Variants in ABTB2 observed in about 807,000 individuals in gnomAD.
ABTB2 encodes the protein ankyrin repeat and BTB/POZ domain-containing protein 2.
ABTB2 carries 56 observed loss-of-function variants against 104.1 expected under a neutral mutation model. That is an observed-to-expected ratio of 0.54 (90% CI 0.43 to 0.67). The LOEUF (loss-of-function observed/expected upper bound fraction) is 0.67. ABTB2 is among the 30% of genes least tolerant of loss of function. The pLI is 0.00. For synonymous variants in ABTB2, 606 were observed against 608.2 expected (o/e 1.00, Z 0.05); for missense variants, 1,279 against 1,407.7 (o/e 0.91, Z 1.46).
At chr11:34,284,682 A>C (rs1854484298) in intron 1 of ABTB2, among the ~76,000 whole-genome samples, 1 of 152,250 alleles carries the variant, frequency 6.6e-6, no homozygotes, top group Non-Finnish European at 1.5e-5. Context: ...GAGGTGGAGA[A>C]AGCGGAGGGC....
intron 14 of ABTB2, among the ~76,000 whole-genome samples, chr11:34,155,350 C>CAGGCCCGG (rs957583587): frequency 3.5e-4 from 53 of 152,352 alleles, no homozygotes; most frequent in South Asian, 1.0e-3. Context: ...GCGCAGAGCC[C>CAGGCCCGG]AGGCCCGGAG....
chr11:34,324,444 C>T (rs2133112809), intron 1 of ABTB2, among the ~76,000 whole-genome samples: 1 of 152,272 alleles, frequency 6.6e-6, no homozygotes, highest in South Asian at 2.1e-4. Flanking sequence ...ATTGATCAGG[C>T]TTGGTCCATG....
intron 1 of ABTB2, among the ~76,000 whole-genome samples, chr11:34,297,110 G>A (rs929602766): frequency 7.2e-5 from 11 of 152,124 alleles, no homozygotes; most frequent in African/African-American, 2.4e-4. Context: ...ATTTCACAAG[G>A]AAATCTAGAT....
chr11:34,268,179 C>T (rs1358431917), intron 1 of ABTB2, among the ~76,000 whole-genome samples: 7 of 152,216 alleles, frequency 4.6e-5, no homozygotes, highest in African/African-American at 1.7e-4. Flanking sequence ...AGTGATCCAC[C>T]TGTCTTGGGT....
chr11:34,287,777 G>A (rs192871861), intron 1 of ABTB2, among the ~76,000 whole-genome samples: 169 of 152,232 alleles, frequency 1.1e-3, no homozygotes, highest in East Asian at 3.1e-3. Flanking sequence ...AGCCCTCTCC[G>A]TAAGGCAGCT....
intron 3 of ABTB2, among the ~76,000 whole-genome samples, chr11:34,174,019 C>A (rs938820271): frequency 6.6e-6 from 1 of 152,126 alleles, no homozygotes; most frequent in African/African-American, 2.4e-5. Flanking sequence ...CCAGGTTGCC[C>A]CCAGTTTGGT....
chr11:34,162,908 G>A, intron 9 of ABTB2, 103 bp from the exon 10 acceptor site: 2 of 1,141,488 alleles, frequency 1.8e-6, no homozygotes, highest in Non-Finnish European at 2.4e-6. Context: ...CTGCTCTGGG[G>A]TACCCGAGGG....
intron 1 of ABTB2, among the ~76,000 whole-genome samples, chr11:34,212,697 C>T (rs1853496117): frequency 6.6e-6 from 1 of 152,170 alleles, no homozygotes; most frequent in African/African-American, 2.4e-5. Flanking sequence ...ACTCACCACC[C>T]CATCAGCACT....
At chr11:34,291,015 T>A (rs569534251) in intron 1 of ABTB2, among the ~76,000 whole-genome samples, 108 of 152,326 alleles carry the variant, frequency 7.1e-4, no homozygotes, top group Non-Finnish European at 1.4e-3. Flanking sequence ...ACTGTGCAAA[T>A]CTGAAAGCCT....
At chr11:34,179,582 A>G (rs1853000559) in intron 3 of ABTB2, among the ~76,000 whole-genome samples, 1 of 152,250 alleles carries the variant, frequency 6.6e-6, no homozygotes, top group African/African-American at 2.4e-5. Context: ...TCCCTGTGGC[A>G]TCCTCACTGG....
intron 11 of ABTB2, 151 bp from the exon 12 acceptor site, chr11:34,160,504 C>T: frequency 1.5e-6 from 1 of 654,116 alleles, no homozygotes; most frequent in Non-Finnish European, 2.8e-6. Flanking sequence ...CAAGAGATGC[C>T]TGTTCCTTCA....
In ABTB2 at chr11:34,279,787, CTTTTTTTT is replaced by C. The variant is rs397849748; in HGVS notation, c.884-75105_884-75098del. Among the ~76,000 whole-genome samples, 5 of 129,564 alleles carry C rather than the reference CTTTTTTTT, an allele frequency of 3.9e-5. No homozygotes were observed. The East Asian group carries it at 6.4e-4, about 17-fold the overall frequency. The allele number at this position is 129,564 out of a possible 152,430, so 85.0% of individuals were successfully genotyped here. ...AAATGCTTTTCTTTTCTTTCTTCTT[CTTTTTTTT>C]TTTTTTTTTTGAGATGGAGTTTTGC... On this transcript the variant is annotated intron_variant, in intron 1 of 16. Coordinates refer to ENST00000435224, the MANE Select transcript of ABTB2 (RefSeq NM_145804.3).
intron 3 of ABTB2, among the ~76,000 whole-genome samples, chr11:34,194,863 A>G (rs1006580734): frequency 1.3e-5 from 2 of 151,414 alleles, no homozygotes; most frequent in African/African-American, 4.9e-5. Context: ...TATCTTTGCT[A>G]CCAAATTATT....
At position 34,167,356 on chromosome 11, in the gene ABTB2, G is replaced by A; in HGVS notation, c.1658C>T (p.Pro553Leu). ...DAGANLDIQV[P>L]SNSPRHPSIH... ...GGAAGGGTGCCTGGGGGAGTTGCTTGGAACCTGGAAAATACCACAAATCAT... is the reference window on the plus strand; with the variant it reads ...GGAAGGGTGCCTGGGGGAGTTGCTTAGAACCTGGAAAATACCACAAATCAT... Residue 553 changes from proline to leucine, a missense_variant, in exon 7 of 17, where the codon CCA becomes CTA. Physicochemically the swap from Pro to Leu is moderately conservative, Grantham distance 98. Coordinates refer to ENST00000435224, the MANE Select transcript of ABTB2 (RefSeq NM_145804.3). The A allele has an allele frequency of 1.2e-6, 2 of 1,612,468 alleles. No homozygotes were observed. The highest frequency in any genetic ancestry group is 1.7e-6 in the Non-Finnish European group (2 of 1,179,224).
chr11:34,198,406 C>T (rs1853290410), intron 2 of ABTB2, among the ~76,000 whole-genome samples: 1 of 151,468 alleles, frequency 6.6e-6, no homozygotes. Context: ...GTCTGGGTGA[C>T]TGGTGACAGT....
At chr11:34,256,272 C>A (rs1227236988) in intron 1 of ABTB2, among the ~76,000 whole-genome samples, 3 of 152,152 alleles carry the variant, frequency 2.0e-5, no homozygotes, top group African/African-American at 7.2e-5. Context: ...ACTGGCCCAG[C>A]CACTAGTGAC....
At chr11:34,243,841 A>G (rs1853951332) in intron 1 of ABTB2, among the ~76,000 whole-genome samples, 2 of 152,188 alleles carry the variant, frequency 1.3e-5, no homozygotes, top group African/African-American at 2.4e-5. Context: ...CCTGGGTATC[A>G]GCGTGGTGAC....
intron 1 of ABTB2, among the ~76,000 whole-genome samples, chr11:34,327,731 C>T (rs775544631): frequency 6.6e-6 from 1 of 152,204 alleles, no homozygotes; most frequent in Non-Finnish European, 1.5e-5. Flanking sequence ...TCTTCCCCCT[C>T]TCCCAGATAC....
chr11:34,221,654 C>T (rs1853624569), intron 1 of ABTB2, among the ~76,000 whole-genome samples: 1 of 152,208 alleles, frequency 6.6e-6, no homozygotes, highest in Non-Finnish European at 1.5e-5. Flanking sequence ...AATAGGGGGG[C>T]TCAACGCTCC....
Sources: gnomAD v4.1 joint callset for allele counts (sites outside exome capture counted in the v4.1 genomes callset) on GRCh38, gnomAD v4.1.1 for gene constraint, MANE v1.5 for transcripts, NCBI Gene and HGNC (gene_info 2026-07-23, HGNC 2026-07-21) for gene names.